The following PACS2 variants were observed in gnomAD, a reference collection of about 807,000 sequenced individuals.
The protein encoded by PACS2 is phosphofurin acidic cluster sorting protein 2, also known as PACS1-like protein.
In PACS2, 36 loss-of-function variants were observed where a neutral mutation model predicts 113.0. The ratio of observed to expected loss-of-function variants is 0.32; its 90% CI spans 0.24 to 0.42. The LOEUF (loss-of-function observed/expected upper bound fraction) is 0.42. Among genes scored for constraint, PACS2 ranks in the 10% least tolerant of loss-of-function variants. PACS2 has a pLI of 1.00. For synonymous variants in PACS2, 589 were observed against 536.1 expected, an observed-to-expected ratio of 1.10 and a Z score of -1.36; for missense variants, 1,015 against 1,239.5, an observed-to-expected ratio of 0.82 and a Z score of 2.72.
chr14:105,317,200 G>A lies in PACS2; in HGVS notation c.119+2163G>A, dbSNP rs116823237. Among the ~76,000 whole-genome samples, 2,765 of 152,298 alleles carry A rather than the reference G, an allele frequency of 0.018. 87 individuals carry two copies. Among genetic ancestry groups the A allele is most frequent in the African/African-American group, 0.061 (2,535 of 41,548 alleles). On this transcript the variant is annotated intron_variant, in intron 1 of 24. Coordinates refer to ENST00000447393, the MANE Select transcript of PACS2 (RefSeq NM_001100913.3). The surrounding 1 kb of genome is among the most constrained non-coding windows in gnomAD (Gnocchi z 4.2). ...TCACTGCTGCGTACTATTCACTGGC[G>A]TGACAGTACCTCGGCTTTGCTTCTG...
intron 15 of PACS2, chr14:105,383,156 G>T (rs1426953580): frequency 1.1e-5 from 7 of 661,562 alleles, no homozygotes; most frequent in Non-Finnish European, 1.1e-5. Flanking sequence ...TTGGAAGCCT[G>T]GGCTGAGGCC....
intron 19 of PACS2, among the ~76,000 whole-genome samples, chr14:105,386,317 C>G (rs2141270333): frequency 6.6e-6 from 1 of 152,308 alleles, no homozygotes; most frequent in Admixed American, 6.5e-5. Flanking sequence ...GCCCCCTACA[C>G]ACTGCAGAGC....
intron 7 of PACS2, among the ~76,000 whole-genome samples, chr14:105,369,023 G>T (rs1158451340): frequency 1.3e-5 from 2 of 152,264 alleles, no homozygotes; most frequent in African/African-American, 2.4e-5. Context: ...CTGGCACAGA[G>T]GGTCCACCGC....
rs1016539203 is a variant in PACS2 at position 105,365,560 on chromosome 14, G to A, written c.424-1653G>A. Among the ~76,000 whole-genome samples, 5 of 152,176 alleles carry A rather than the reference G, an allele frequency of 3.3e-5. No individual in the cohort carries two copies. The highest frequency in any genetic ancestry group is 4.8e-5 in the African/African-American group (2 of 41,444). On this transcript the variant is annotated intron_variant, in intron 4 of 24. Transcript: ENST00000447393. The surrounding 1 kb of genome is among the most constrained non-coding windows in gnomAD (Gnocchi z 5.1). ...CCTGCCCTCCCACCTGAAGGAGGAA[G>A]CGAGCAGGGTTTTCTTAGGAGAAAA...
At position 105,314,893 on chromosome 14, in the gene PACS2, G is replaced by C; in HGVS notation, c.-26G>C. ...CGCGGCCCGGCCGCAGCCCCAGGCC[G>C]CCGAGGGAGCGGCGGGGCCGGCGCC... On this transcript the variant is annotated 5_prime_UTR_variant, in exon 1 of 25. Coordinates refer to ENST00000447393, the MANE Select transcript of PACS2 (RefSeq NM_001100913.3). The C allele has an allele frequency of 1.0e-6, 1 of 970,582 alleles. No homozygotes were observed. The highest frequency in any genetic ancestry group is 1.2e-6 in the Non-Finnish European group (1 of 819,396). The allele number at this position is 970,582 out of a possible 1,614,324, so 60.1% of individuals were successfully genotyped here.
rs782626798 is a variant in PACS2, at chr14:105,384,347, A to T, written c.1781-6A>T. On this transcript the variant is annotated splice_region_variant and splice_polypyrimidine_tract_variant and intron_variant, in intron 16 of 24. Coordinates refer to ENST00000447393, the MANE Select transcript of PACS2 (RefSeq NM_001100913.3). The stretch of plus-strand genomic sequence containing the variant: ...TGGTGACACCAGCCCCACCCCTGGC[A>T]TGCAGGCTCCCACCCCGTGGCCAGG... The T allele has an allele frequency of 5.1e-6, 8 of 1,577,912 alleles. No homozygotes were observed. The highest frequency in any genetic ancestry group is 2.6e-6 in the Non-Finnish European group (3 of 1,149,992).
At chr14:105,392,242 G>T (rs1259301546) in intron 22 of PACS2, 6 of 359,662 alleles carry the variant, frequency 1.7e-5, no homozygotes, top group African/African-American at 4.2e-5. Context: ...GCTGCGTGCA[G>T]GGCTCACACC....
At chr14:105,301,636 C>A (rs1595506517) in intron 1 of PACS2, among the ~76,000 whole-genome samples, 1 of 152,270 alleles carries the variant, frequency 6.6e-6, no homozygotes, top group Non-Finnish European at 1.5e-5. Context: ...TCCAGAGCCT[C>A]CCCGTGCGCC....
chr14:105,392,850 G>T lies in PACS2; in HGVS notation c.2482+5G>T. Reference sequence around the variant, plus strand: ...CCAAGGAGAAGAACAAGAAGGGTGAGGTGGGGCAGGCTATAAGGCCACACG... The same window carrying T: ...CCAAGGAGAAGAACAAGAAGGGTGATGTGGGGCAGGCTATAAGGCCACACG... On this transcript the variant is annotated splice_donor_5th_base_variant and intron_variant, in intron 23 of 24. Transcript: ENST00000447393. The T allele has an allele frequency of 6.3e-7, 1 of 1,591,694 alleles. No homozygotes were observed. Among genetic ancestry groups the T allele is most frequent in the South Asian group, 1.1e-5 (1 of 90,874 alleles).
Position 105,382,467 on chromosome 14 carries a change from G to A in PACS2, c.1414-10G>A, listed in dbSNP as rs77341653. ...CTCTTCTGGGTGTGGACAGGGCTCT[G>A]TGCCTCCAGATCCCCAGGAAGACTG... On this transcript the variant is annotated splice_polypyrimidine_tract_variant and intron_variant, in intron 13 of 24. Coordinates refer to ENST00000447393, the MANE Select transcript of PACS2 (RefSeq NM_001100913.3). 252 of 1,533,452 alleles carry A rather than the reference G, an allele frequency of 1.6e-4. 3 individuals carry two copies. In the African/African-American group the frequency reaches 3.0e-3, roughly 18 times the overall value. 95.0% of individuals were successfully genotyped at this position (1,533,452 alleles called of 1,614,324 possible).
intron 23 of PACS2, 88 bp downstream of exon 23, chr14:105,392,933 C>G: frequency 2.8e-6 from 3 of 1,086,638 alleles, no homozygotes; most frequent in Non-Finnish European, 4.1e-6. Context: ...GATGACAGCC[C>G]CCGGGCTGGC....
At chr14:105,305,020 C>T (rs993160967) in intron 1 of PACS2, among the ~76,000 whole-genome samples, 12 of 152,196 alleles carry the variant, frequency 7.9e-5, no homozygotes, top group Non-Finnish European at 1.5e-4. Flanking sequence ...GACGTCCTTG[C>T]CCCAAGGCGA....
intron 1 of PACS2, among the ~76,000 whole-genome samples, chr14:105,343,149 T>C (rs1455253774): frequency 1.3e-5 from 2 of 152,066 alleles, no homozygotes; most frequent in Non-Finnish European, 2.9e-5. Flanking sequence ...TGGACAAAAA[T>C]GGTGTGTGCC....
chr14:105,331,565 G>A (rs908283578), intron 1 of PACS2, among the ~76,000 whole-genome samples: 1 of 152,166 alleles, frequency 6.6e-6, no homozygotes, highest in Non-Finnish European at 1.5e-5. Context: ...TAACAGGCAC[G>A]AACCATTGTG....
At chr14:105,332,703 C>T (rs1227947900) in intron 1 of PACS2, among the ~76,000 whole-genome samples, 1 of 152,188 alleles carries the variant, frequency 6.6e-6, no homozygotes, top group African/African-American at 2.4e-5. Flanking sequence ...CGGTCCAAGA[C>T]CTGGAGCCCA....
chr14:105,362,216 A>G (rs1371366629), intron 4 of PACS2, among the ~76,000 whole-genome samples: 1 of 151,374 alleles, frequency 6.6e-6, no homozygotes, highest in Non-Finnish European at 1.5e-5. Context: ...CAGGAGATCA[A>G]GACCATCCTG....
At position 105,358,510 on chromosome 14, in the gene PACS2, C is replaced by A. The variant is rs587754934; in HGVS notation, c.423+3333C>A. Among the ~76,000 whole-genome samples the A allele has an allele frequency of 1.6e-4, 24 of 152,228 alleles. No individual in the cohort carries two copies. Among genetic ancestry groups the A allele is most frequent in the African/African-American group, 5.5e-4 (23 of 41,542 alleles). On this transcript the variant is annotated intron_variant, in intron 4 of 24. Transcript: ENST00000447393. The surrounding 1 kb of genome is among the most constrained non-coding windows in gnomAD (Gnocchi z 4.9). ...GAGGGAGTGTGTAGGGGTGGGCGTT[C>A]GTGTGGCCAGACCACCCTGGGGCTG...
rs1311755303 is a variant in PACS2 at position 105,355,588 on chromosome 14, TGAGCAG to T, written c.423+420_423+425del. Among the ~76,000 whole-genome samples the T allele has an allele frequency of 6.6e-6, 1 of 152,208 alleles. No homozygotes were observed. The highest frequency in any genetic ancestry group is 2.4e-5 in the African/African-American group (1 of 41,462). The stretch of plus-strand genomic sequence containing the variant: ...GCACGTGCTCTGGCCCAGGATTGGC[TGAGCAG>T]GAGCAGGACAGGTGTCAGTTCTGTG... On this transcript the variant is annotated intron_variant, in intron 4 of 24. Coordinates refer to ENST00000447393, the MANE Select transcript of PACS2 (RefSeq NM_001100913.3). The surrounding 1 kb of genome is among the most constrained non-coding windows in gnomAD (Gnocchi z 4.1).
chr14:105,390,462 CA>C (rs2081318339), intron 20 of PACS2: 1 of 186,894 alleles, frequency 5.4e-6, no homozygotes. Flanking sequence ...CCAGCCAGGC[CA>C]TCTCCCTGCC....
Sources: gnomAD v4.1 joint callset for allele counts (sites outside exome capture counted in the v4.1 genomes callset) on GRCh38, gnomAD v4.1.1 for gene constraint, Gnocchi (gnomAD v3.1) non-coding constraint, MANE v1.5 for transcripts, NCBI Gene and HGNC (gene_info 2026-07-23, HGNC 2026-07-21) for gene names.